Variants in KIF26B observed in about 807,000 individuals in gnomAD.
KIF26B encodes kinesin family member 26B.
Under a neutral mutation model 151.2 loss-of-function variants are expected in KIF26B, and 63 were observed. The observed-to-expected ratio is 0.42, with a 90% CI of 0.34 to 0.51. The LOEUF is 0.51. KIF26B is among the 20% of genes least tolerant of loss of function. KIF26B has a pLI of 0.07. For missense variants in KIF26B, 2,813 were observed against 2,913.6 expected (o/e 0.97, Z 0.79); for synonymous variants, 1,357 against 1,262.1 (o/e 1.08, Z -1.59).
At chr1:245,263,826 G>A (rs994111434) in intron 2 of KIF26B, among the ~76,000 whole-genome samples, 4 of 152,298 alleles carry the variant, frequency 2.6e-5, no homozygotes, top group Admixed American at 6.5e-5. Context: ...GTTAACAGAC[G>A]TCAGAATGTG....
intron 2 of KIF26B, among the ~76,000 whole-genome samples, chr1:245,331,284 T>C (rs143065648): frequency 6.6e-6 from 1 of 152,130 alleles, no homozygotes; most frequent in Non-Finnish European, 1.5e-5. Flanking sequence ...GTGGGGGTGC[T>C]GAGCCAGGAG....
chr1:245,565,338 G>C (rs957565160), intron 5 of KIF26B, among the ~76,000 whole-genome samples: 1 of 151,438 alleles, frequency 6.6e-6, no homozygotes, highest in South Asian at 2.1e-4. Context: ...GCCCAGGCTG[G>C]AGTGCAGTGG....
intron 2 of KIF26B, among the ~76,000 whole-genome samples, chr1:245,261,204 G>GGC (rs1670631364): frequency 6.6e-6 from 1 of 151,560 alleles, no homozygotes. Flanking sequence ...GGAGTGCAAT[G>GGC]GTGCAATCTC....
At position 245,708,357 on chromosome 1, in the gene KIF26B, G is replaced by T. The variant is rs887682886; in HGVS notation, c.*5751G>T. 2.0e-5 allele frequency: 3 copies of T among 152,234 alleles called. No individual in the cohort carries two copies. Among genetic ancestry groups the T allele is most frequent in the Non-Finnish European group, 4.4e-5 (3 of 68,060 alleles). 9.4% of individuals were successfully genotyped at this position (152,234 alleles called of 1,614,324 possible). A position where few individuals can be genotyped will look rare whatever the true frequency, so the allele number is the denominator to read the frequency against. On this transcript the variant is annotated 3_prime_UTR_variant, in exon 15 of 15. Coordinates refer to ENST00000407071, the MANE Select transcript of KIF26B (RefSeq NM_018012.4). ...AGTCATTGACTGGCCCGAGTTCACAGAGTGGTTTTATAGCAAAACAGGGAC... is the reference window on the plus strand; with the variant it reads ...AGTCATTGACTGGCCCGAGTTCACATAGTGGTTTTATAGCAAAACAGGGAC...
chr1:245,698,005 G>A lies in KIF26B; in HGVS notation c.5825-101G>A, dbSNP rs142772762. On this transcript the variant is annotated intron_variant, in intron 12 of 14. Coordinates refer to ENST00000407071, the MANE Select transcript of KIF26B (RefSeq NM_018012.4). The surrounding 1 kb of genome is among the most constrained non-coding windows in gnomAD (Gnocchi z 4.0). ...GCAGTGAGCTATGGATCGCACCACT[G>A]CACTCCAGCCTGGGCAACAGAGCAA... 1.0e-3 allele frequency: 1,115 copies of A among 1,071,962 alleles called. 1 individual carries two copies. Among genetic ancestry groups the A allele is most frequent in the African/African-American group, 7.8e-3 (489 of 62,666 alleles). 66.4% of individuals were successfully genotyped at this position (1,071,962 alleles called of 1,614,324 possible). A position where few individuals can be genotyped will look rare whatever the true frequency, so the allele number is the denominator to read the frequency against.
At chr1:245,439,425 G>A (rs535845524) in intron 4 of KIF26B, among the ~76,000 whole-genome samples, 4 of 152,084 alleles carry the variant, frequency 2.6e-5, no homozygotes, top group South Asian at 4.2e-4. Flanking sequence ...GAGATGGGGC[G>A]AGAATTGTCT....
At chr1:245,398,023 C>T (rs1572041837) in intron 3 of KIF26B, among the ~76,000 whole-genome samples, 1 of 152,246 alleles carries the variant, frequency 6.6e-6, no homozygotes, top group East Asian at 1.9e-4. Context: ...GATGTGTTGC[C>T]TTGTGAAGTA....
At chr1:245,647,392 T>C (rs1572177242) in intron 10 of KIF26B, among the ~76,000 whole-genome samples, 1 of 119,736 alleles carries the variant, frequency 8.4e-6, no homozygotes, top group African/African-American at 3.3e-5. Context: ...GCCACTGCAC[T>C]CCAGCCTGGG....
In KIF26B at chr1:245,698,368, G is replaced by A; in HGVS notation, c.6027+60G>A. ...GGTGGCAGCTCCCCACCAAGCCTGA[G>A]CAGGTGCTAGGCAGGGCCCTGGGGA... is the stretch of plus-strand genomic sequence containing the variant. On this transcript the variant is annotated intron_variant, in intron 13 of 14. Coordinates refer to ENST00000407071, the MANE Select transcript of KIF26B (RefSeq NM_018012.4). The surrounding 1 kb of genome is among the most constrained non-coding windows in gnomAD (Gnocchi z 4.0). 2 of 1,490,028 alleles carry A rather than the reference G, an allele frequency of 1.3e-6. No individual in the cohort carries two copies. Among genetic ancestry groups the A allele is most frequent in the South Asian group, 2.3e-5 (2 of 85,848 alleles). The allele number at this position is 1,490,028 out of a possible 1,614,324, so 92.3% of individuals were successfully genotyped here.
chr1:245,375,946 G>A lies in KIF26B; in HGVS notation c.999+8579G>A, dbSNP rs571254391. Among the ~76,000 whole-genome samples, 4 of 152,266 alleles carry A rather than the reference G, an allele frequency of 2.6e-5. No individual in the cohort carries two copies. In the East Asian group the frequency reaches 5.8e-4, roughly 22 times the overall value. On this transcript the variant is annotated intron_variant, in intron 3 of 14. Transcript: ENST00000407071. This position sits in a 1 kb window ranked among gnomAD's most constrained non-coding sequence, Gnocchi z 4.2. ...TACTCATACTGCACCGCTGGTTTGC[G>A]ATTGTCTCAGATTTCCCTATTGTTA... is the stretch of plus-strand genomic sequence containing the variant.
chr1:245,390,948 A>ACAAAAC (rs1673682129), intron 3 of KIF26B, among the ~76,000 whole-genome samples: 1 of 127,842 alleles, frequency 7.8e-6, no homozygotes, highest in African/African-American at 2.9e-5. Context: ...AAAAAAAAAA[A>ACAAAAC]AAAACCACCA....
chr1:245,168,551 A>G (rs1668652988), intron 2 of KIF26B, among the ~76,000 whole-genome samples: 1 of 152,200 alleles, frequency 6.6e-6, no homozygotes. Context: ...TTAATTTTAC[A>G]TTAAAAGTTC....
At chr1:245,473,299 C>G (rs1659953410) in intron 4 of KIF26B, among the ~76,000 whole-genome samples, 1 of 152,162 alleles carries the variant, frequency 6.6e-6, no homozygotes, top group African/African-American at 2.4e-5. Flanking sequence ...TATATGGTCT[C>G]ATGGTTTTCA....
chr1:245,484,413 C>T (rs1427571421), intron 4 of KIF26B, among the ~76,000 whole-genome samples: 1 of 151,814 alleles, frequency 6.6e-6, no homozygotes, highest in Non-Finnish European at 1.5e-5. Flanking sequence ...GTCAGACTCA[C>T]CATCTAGGTC....
chr1:245,453,249 G>T (rs992801214), intron 4 of KIF26B, among the ~76,000 whole-genome samples: 1 of 151,858 alleles, frequency 6.6e-6, no homozygotes, highest in Non-Finnish European at 1.5e-5. Flanking sequence ...AATTACCTTG[G>T]ACTAAGAGTG....
chr1:245,706,317 G>A lies in KIF26B; in HGVS notation c.*3711G>A, dbSNP rs373318932. 5 of 152,176 alleles carry A rather than the reference G, an allele frequency of 3.3e-5. No individual in the cohort carries two copies. The East Asian group carries it at 5.8e-4, about 18-fold the overall frequency. The allele number at this position is 152,176 out of a possible 1,614,324, so 9.4% of individuals were successfully genotyped here. A position where few individuals can be genotyped will look rare whatever the true frequency, so the allele number is the denominator to read the frequency against. ...CAAAAATGCAGTTGTGCCCACTTGG[G>A]TGTGTATCTCATGTCCTTGTAAACC... On this transcript the variant is annotated 3_prime_UTR_variant, in exon 15 of 15. Transcript: ENST00000407071.
At chr1:245,664,158 C>T (rs552851387) in intron 10 of KIF26B, among the ~76,000 whole-genome samples, 18 of 151,860 alleles carry the variant, frequency 1.2e-4, no homozygotes, top group African/African-American at 3.9e-4. Context: ...CACCTGAGGT[C>T]GGGAGTTCAA....
chr1:245,667,278 C>A lies in KIF26B; in HGVS notation c.2259-16955C>A, dbSNP rs1476571596. On this transcript the variant is annotated intron_variant, in intron 10 of 14. Transcript: ENST00000407071. The surrounding 1 kb of genome is among the most constrained non-coding windows in gnomAD (Gnocchi z 4.3). ...GCAGCCTTAAGCTCCTGGGCTCAAG[C>A]TATCCTCCTGACTCAGCCTCCCAAG... is the stretch of plus-strand genomic sequence containing the variant. Among the ~76,000 whole-genome samples the A allele has an allele frequency of 6.6e-6, 1 of 152,122 alleles. No individual in the cohort carries two copies. Among genetic ancestry groups the A allele is most frequent in the Non-Finnish European group, 1.5e-5 (1 of 68,010 alleles).
chr1:245,501,439 T>C (rs1660617865), intron 4 of KIF26B, among the ~76,000 whole-genome samples: 1 of 152,214 alleles, frequency 6.6e-6, no homozygotes, highest in African/African-American at 2.4e-5. Context: ...TGTGAGAGAT[T>C]TGAACCCAGT....
Sources: allele counts gnomAD v4.1 joint callset (sites outside exome capture counted in the v4.1 genomes callset), GRCh38; gene constraint gnomAD v4.1.1; non-coding constraint Gnocchi (gnomAD v3.1); transcripts MANE v1.5; gene names NCBI Gene and HGNC (gene_info 2026-07-23, HGNC 2026-07-21).